IQGAP2: variants seen among roughly 807,000 people sequenced by gnomAD.
IQGAP2 encodes the protein ras GTPase-activating-like protein IQGAP2.
A neutral mutation model predicts 201.3 loss-of-function variants in IQGAP2; 173 were observed. The ratio of observed to expected loss-of-function variants is 0.86; its 90% CI spans 0.76 to 0.98. The LOEUF (loss-of-function observed/expected upper bound fraction) is 0.98. Among genes scored for constraint, IQGAP2 ranks in the 50% least tolerant of loss-of-function variants. The pLI is 0.00. For missense variants in IQGAP2, 1,687 were observed against 1,864.8 expected (o/e 0.90, Z 1.76); for synonymous variants, 675 against 673.9 (o/e 1.00, Z -0.03).
intron 31 of IQGAP2, chr5:76,694,093 TA>T (rs1489400019): frequency 3.3e-5 from 5 of 152,210 alleles, no homozygotes; most frequent in Non-Finnish European, 7.3e-5. Context: ...GGATCATTCT[TA>T]ATTTAATTGA....
intron 23 of IQGAP2, among the ~76,000 whole-genome samples, chr5:76,669,497 G>T (rs537845447): frequency 6.6e-6 from 1 of 152,208 alleles, no homozygotes; most frequent in African/African-American, 2.4e-5. Flanking sequence ...TGAAGGACGC[G>T]TCTAAATGAA....
At chr5:76,497,676 T>C (rs1382699738) in intron 2 of IQGAP2, among the ~76,000 whole-genome samples, 1 of 152,206 alleles carries the variant, frequency 6.6e-6, no homozygotes, top group Non-Finnish European at 1.5e-5. Flanking sequence ...CTCTCCTCTG[T>C]ATGGGAGAAT....
At chr5:76,612,646 T>G (rs1748507200) in intron 13 of IQGAP2, among the ~76,000 whole-genome samples, 1 of 151,972 alleles carries the variant, frequency 6.6e-6, no homozygotes, top group Non-Finnish European at 1.5e-5. Context: ...GCAGCTTTGT[T>G]TGCAATCACA....
rs536101854 is a variant in IQGAP2, at chr5:76,630,319, A to G, written c.1613-1540A>G. Among the ~76,000 whole-genome samples the G allele has an allele frequency of 2.0e-5, 3 of 152,304 alleles. No individual in the cohort carries two copies. The East Asian group carries it at 5.8e-4, about 29-fold the overall frequency. ...ACTCACCAGATTATAGCACAGCACA[A>G]TTTTAATGACAAGGACTCTTCTGGC... On this transcript the variant is annotated intron_variant, in intron 14 of 35. Transcript: ENST00000274364.
chr5:76,588,604 T>C (rs1437756012), intron 5 of IQGAP2, among the ~76,000 whole-genome samples: 1 of 152,208 alleles, frequency 6.6e-6, no homozygotes, highest in Non-Finnish European at 1.5e-5. Flanking sequence ...CCTGCTGTTT[T>C]GTATTAGCTG....
At chr5:76,674,768 T>C in intron 27 of IQGAP2, 59 bp downstream of exon 27, 2 of 1,254,512 alleles carry the variant, frequency 1.6e-6, no homozygotes, top group Non-Finnish European at 2.3e-6. Context: ...GAATAATATG[T>C]GCTCTGTGCC....
At chr5:76,627,653 A>G (rs1247872834) in intron 14 of IQGAP2, among the ~76,000 whole-genome samples, 153 bp downstream of exon 14, 2 of 152,182 alleles carry the variant, frequency 1.3e-5, no homozygotes, top group African/African-American at 2.4e-5. Flanking sequence ...TGGTTGCCCT[A>G]TTGTCAGTGA....
intron 2 of IQGAP2, chr5:76,510,584 CCAGA>C: frequency 2.1e-6 from 1 of 484,232 alleles, no homozygotes; most frequent in South Asian, 1.5e-5. Context: ...CTGGAAGGAC[CCAGA>C]CAGTGTGCCA....
chr5:76,610,571 A>T (rs895554187), intron 12 of IQGAP2, among the ~76,000 whole-genome samples: 6 of 151,964 alleles, frequency 3.9e-5, no homozygotes, highest in African/African-American at 9.7e-5. Flanking sequence ...CTCTCAAAAA[A>T]AAAAAATAAA....
intron 2 of IQGAP2, among the ~76,000 whole-genome samples, chr5:76,524,645 G>A (rs961859728): frequency 2.0e-5 from 3 of 152,262 alleles, no homozygotes; most frequent in Middle Eastern, 3.4e-3. Context: ...CAAGCCAAAG[G>A]AAGAAATGAT....
At chr5:76,475,530 T>TC (rs1275052062) in intron 2 of IQGAP2, among the ~76,000 whole-genome samples, 1 of 152,166 alleles carries the variant, frequency 6.6e-6, no homozygotes, top group Non-Finnish European at 1.5e-5. Context: ...CTACCAAAGA[T>TC]CGAGACCCAC....
At chr5:76,659,706 C>T (rs934749721) in intron 21 of IQGAP2, among the ~76,000 whole-genome samples, 1 of 152,082 alleles carries the variant, frequency 6.6e-6, no homozygotes, top group Non-Finnish European at 1.5e-5. Flanking sequence ...TACACAAGAC[C>T]ATCCCACAAA....
intron 2 of IQGAP2, among the ~76,000 whole-genome samples, chr5:76,489,552 C>T (rs1312567428): frequency 1.3e-5 from 2 of 152,122 alleles, no homozygotes; most frequent in Non-Finnish European, 2.9e-5. Context: ...ACCTCCGCCT[C>T]CCAGGTTCAA....
In IQGAP2 at chr5:76,668,806, T is replaced by G. The variant is rs1744029774; in HGVS notation, c.2805T>G (p.Leu935=). ...CTAATCAGCGAGAAGAATATCTACT[T>G]CTCAAGCTTTTTAAAACTGCTCTGG... is the stretch of plus-strand genomic sequence containing the variant. The part of the protein sequence containing the change: ...YASNQREEYL[L]LKLFKTALEE... Residue 935 remains leucine, a synonymous_variant, in exon 23 of 36, where the codon CTT becomes CTG. Transcript: ENST00000274364. 3 of 1,606,282 alleles carry G rather than the reference T, an allele frequency of 1.9e-6. No homozygotes were observed. The highest frequency in any genetic ancestry group is 2.6e-6 in the Non-Finnish European group (3 of 1,176,362).
intron 21 of IQGAP2, among the ~76,000 whole-genome samples, chr5:76,662,874 T>C (rs1290410699): frequency 6.6e-6 from 1 of 152,168 alleles, no homozygotes; most frequent in Non-Finnish European, 1.5e-5. Context: ...CCTCCCTCCT[T>C]CTCTATAAAA....
chr5:76,561,256 A>T (rs1338677921), intron 2 of IQGAP2, among the ~76,000 whole-genome samples: 1 of 152,218 alleles, frequency 6.6e-6, no homozygotes, highest in African/African-American at 2.4e-5. Flanking sequence ...ACTGGATTCC[A>T]ATTTTATAGT....
chr5:76,701,570 C>T (rs1747394227), intron 34 of IQGAP2: 2 of 193,172 alleles, frequency 1.0e-5, no homozygotes, highest in African/African-American at 2.3e-5. Context: ...TGTGCCAACC[C>T]CTGGATCAGA....
At chr5:76,614,794 T>A (rs1044860838) in intron 13 of IQGAP2, among the ~76,000 whole-genome samples, 1 of 152,054 alleles carries the variant, frequency 6.6e-6, no homozygotes, top group Non-Finnish European at 1.5e-5. Context: ...TGTGTGTTTA[T>A]GATGGTATTT....
intron 2 of IQGAP2, among the ~76,000 whole-genome samples, chr5:76,546,705 G>A (rs1048296696): frequency 6.6e-6 from 1 of 152,166 alleles, no homozygotes; most frequent in Non-Finnish European, 1.5e-5. Context: ...ACTCATTGGT[G>A]GGCAACACTG....
Sources: gnomAD v4.1 joint callset for allele counts (sites outside exome capture counted in the v4.1 genomes callset) on GRCh38, gnomAD v4.1.1 for gene constraint, MANE v1.5 for transcripts, NCBI Gene and HGNC (gene_info 2026-07-23, HGNC 2026-07-21) for gene names.